Variants in ATP6V0D2 observed in about 807,000 individuals in gnomAD.
ATP6V0D2 encodes V-type proton ATPase subunit d 2.
In ATP6V0D2, 40 loss-of-function variants were observed where a neutral mutation model predicts 40.0. That is an observed-to-expected ratio of 1.00 (90% CI 0.78 to 1.30). The LOEUF (loss-of-function observed/expected upper bound fraction) is 1.30. ATP6V0D2 is among the 50% of genes most tolerant of loss of function. ATP6V0D2 has a pLI of 0.00. For missense variants in ATP6V0D2, 470 were observed against 423.1 expected (o/e 1.11, Z -0.97); for synonymous variants, 179 against 156.3 (o/e 1.15, Z -1.08).
At chr8:86,107,702 T>C (rs1818485126) in intron 1 of ATP6V0D2, among the ~76,000 whole-genome samples, 1 of 152,202 alleles carries the variant, frequency 6.6e-6, no homozygotes, top group Non-Finnish European at 1.5e-5. Flanking sequence ...AAGATTAAAC[T>C]TGAGGCGGGG....
At chr8:86,128,680 C>A (rs947476517) in intron 2 of ATP6V0D2, among the ~76,000 whole-genome samples, 3 of 152,278 alleles carry the variant, frequency 2.0e-5, no homozygotes. Context: ...AAAATAATGA[C>A]CACACAAAGA....
chr8:86,141,427 G>A (rs1187558107), intron 3 of ATP6V0D2, 23 bp from the exon 4 acceptor site: 1 of 1,586,250 alleles, frequency 6.3e-7, no homozygotes, highest in East Asian at 2.2e-5. Context: ...TTCATTTTTT[G>A]GTATGGCAAT....
chr8:86,141,012 T>G (rs1818963512), intron 3 of ATP6V0D2, among the ~76,000 whole-genome samples: 1 of 152,122 alleles, frequency 6.6e-6, no homozygotes, highest in Non-Finnish European at 1.5e-5. Flanking sequence ...GCACACAACC[T>G]AGATCCCTCA....
At chr8:86,136,524 T>G (rs941129148) in intron 2 of ATP6V0D2, among the ~76,000 whole-genome samples, 7 of 152,198 alleles carry the variant, frequency 4.6e-5, no homozygotes, top group African/African-American at 1.7e-4. Context: ...AATAAGCACT[T>G]CCATTTTAAT....
chr8:86,138,732 A>G (rs1391512431), intron 2 of ATP6V0D2, among the ~76,000 whole-genome samples: 2 of 152,170 alleles, frequency 1.3e-5, no homozygotes, highest in Admixed American at 1.3e-4. Flanking sequence ...CAAATATAGT[A>G]GTCAGTTTTT....
chr8:86,134,120 G>A (rs1307990511), intron 2 of ATP6V0D2, among the ~76,000 whole-genome samples: 1 of 152,128 alleles, frequency 6.6e-6, no homozygotes, highest in Non-Finnish European at 1.5e-5. Flanking sequence ...AACCATAGCA[G>A]ATTTCTCATT....
chr8:86,103,118 CT>C (rs879559305), intron 1 of ATP6V0D2, among the ~76,000 whole-genome samples: 11 of 147,910 alleles, frequency 7.4e-5, no homozygotes, highest in South Asian at 2.1e-4. Context: ...TGGATTAAGT[CT>C]TTTTTTTTTC....
intron 3 of ATP6V0D2, among the ~76,000 whole-genome samples, chr8:86,140,373 A>G (rs1186147510): frequency 6.6e-6 from 1 of 152,194 alleles, no homozygotes; most frequent in East Asian, 1.9e-4. Flanking sequence ...CGATACTGAG[A>G]TAGCATAGGC....
intron 1 of ATP6V0D2, among the ~76,000 whole-genome samples, chr8:86,102,832 C>T (rs1455172170): frequency 6.6e-6 from 1 of 152,152 alleles, no homozygotes; most frequent in Non-Finnish European, 1.5e-5. Flanking sequence ...GCCTTTGTCA[C>T]TGGTATTGCT....
chr8:86,129,612 G>A (rs1818790712), intron 2 of ATP6V0D2, among the ~76,000 whole-genome samples: 1 of 152,162 alleles, frequency 6.6e-6, no homozygotes, highest in African/African-American at 2.4e-5. Context: ...AGGAATTCAA[G>A]ACCAGTCTGG....
At position 86,114,195 on chromosome 8, in the gene ATP6V0D2, G is replaced by A. The variant is rs551807599; in HGVS notation, c.302+315G>A. On this transcript the variant is annotated intron_variant, in intron 2 of 7. Coordinates refer to ENST00000285393, the MANE Select transcript of ATP6V0D2 (RefSeq NM_152565.1). ...TGTTAGTACTGAAGGTAAATGTTAT[G>A]TGACATTCTTGGATCACTTTTCAGG... 4.6e-5 allele frequency among the ~76,000 whole-genome samples: 7 copies of A among 152,178 alleles called. No individual in the cohort carries two copies. In the South Asian group the frequency reaches 1.5e-3, roughly 32 times the overall value.
chr8:86,119,072 AG>A (rs1163372305), intron 2 of ATP6V0D2, among the ~76,000 whole-genome samples: 4 of 152,152 alleles, frequency 2.6e-5, no homozygotes, highest in Non-Finnish European at 5.9e-5. Flanking sequence ...GAAAGCTGCC[AG>A]GGTTTGTACT....
chr8:86,111,723 C>T (rs1818529521), intron 1 of ATP6V0D2, among the ~76,000 whole-genome samples: 1 of 152,144 alleles, frequency 6.6e-6, no homozygotes, highest in African/African-American at 2.4e-5. Context: ...ACTAAGTCAT[C>T]GAATGCCTGC....
chr8:86,122,758 G>A (rs932295075), intron 2 of ATP6V0D2, among the ~76,000 whole-genome samples: 4 of 152,188 alleles, frequency 2.6e-5, no homozygotes, highest in Non-Finnish European at 5.9e-5. Flanking sequence ...AGAGAAAGTA[G>A]AATTTTGGCC....
Position 86,153,070 on chromosome 8 carries a change from C to A in ATP6V0D2, c.*93C>A. 1 of 1,129,326 alleles carries A rather than the reference C, an allele frequency of 8.9e-7. No individual in the cohort carries two copies. Among genetic ancestry groups the A allele is most frequent in the Non-Finnish European group, 1.2e-6 (1 of 834,372 alleles). The allele number at this position is 1,129,326 out of a possible 1,614,324, so 70.0% of individuals were successfully genotyped here. ...AAATTATGTTATATTATCTAGACTACACAAAAGTAAGCCACACTATATCTT... is the reference window on the plus strand; with the variant it reads ...AAATTATGTTATATTATCTAGACTAAACAAAAGTAAGCCACACTATATCTT... On this transcript the variant is annotated 3_prime_UTR_variant, in exon 8 of 8. Coordinates refer to ENST00000285393, the MANE Select transcript of ATP6V0D2 (RefSeq NM_152565.1).
At chr8:86,124,894 T>C (rs1049375649) in intron 2 of ATP6V0D2, among the ~76,000 whole-genome samples, 3 of 152,186 alleles carry the variant, frequency 2.0e-5, no homozygotes, top group African/African-American at 4.8e-5. Context: ...TATATAAATA[T>C]ACCCACACAT....
chr8:86,145,233 A>AAGAAAGAAAGAAAGAAAGAG (rs1554589869), intron 5 of ATP6V0D2, among the ~76,000 whole-genome samples: 8 of 38,472 alleles, frequency 2.1e-4, no homozygotes, highest in African/African-American at 8.8e-4. Flanking sequence ...GAAAGAAAGA[A>AAGAAAGAAAGAAAGAAAGAG]AGAGAGAGAG....
intron 2 of ATP6V0D2, 92 bp downstream of exon 2, chr8:86,113,972 C>A: frequency 8.4e-7 from 1 of 1,186,690 alleles, no homozygotes; most frequent in Non-Finnish European, 1.1e-6. Flanking sequence ...CAGAGTGAGA[C>A]TTAAGACCTT....
chr8:86,138,939 T>C (rs1818935230), intron 2 of ATP6V0D2, among the ~76,000 whole-genome samples: 1 of 152,230 alleles, frequency 6.6e-6, no homozygotes, highest in East Asian at 1.9e-4. Context: ...TGCTTTTTCA[T>C]GGCCAGGTGC....
Sources: allele counts gnomAD v4.1 joint callset (sites outside exome capture counted in the v4.1 genomes callset), GRCh38; gene constraint gnomAD v4.1.1; transcripts MANE v1.5; gene names NCBI Gene and HGNC (gene_info 2026-07-23, HGNC 2026-07-21).